Variants in ERBB4 observed in about 807,000 individuals in gnomAD.
The protein encoded by ERBB4 is receptor tyrosine-protein kinase erbB-4.
A neutral mutation model predicts 158.0 loss-of-function variants in ERBB4; 42 were observed. The ratio of observed to expected loss-of-function variants is 0.27; its 90% CI spans 0.21 to 0.34. The LOEUF is 0.34. Among genes scored for constraint, ERBB4 ranks in the 10% least tolerant of loss-of-function variants. The probability of loss-of-function intolerance (pLI) is 1.00; values close to 1 mark genes in which losing one functional copy is unlikely to be tolerated. For synonymous variants in ERBB4, 583 were observed against 558.7 expected (o/e 1.04, Z -0.61); for missense variants, 1,333 against 1,624.1 (o/e 0.82, Z 3.08).
At chr2:211,783,074 A>G (rs1575142073) in intron 4 of ERBB4, among the ~76,000 whole-genome samples, 1 of 152,134 alleles carries the variant, frequency 6.6e-6, no homozygotes, top group Non-Finnish European at 1.5e-5. Flanking sequence ...CTGCTTGAAG[A>G]GGTCCTTCAC....
rs915146009 is a variant in ERBB4 at position 211,909,122 on chromosome 2, T to C, written c.421+38308A>G. Among the ~76,000 whole-genome samples the C allele has an allele frequency of 2.6e-5, 4 of 151,724 alleles. 1 individual carries two copies. Among genetic ancestry groups the C allele is most frequent in the Admixed American group, 1.3e-4 (2 of 15,176 alleles). Reference sequence around the variant, plus strand: ...ATGTTCATATATGCTTAGTCTGTTATGATAGTATTCAATGTCTTTATAGTG... The same window carrying C: ...ATGTTCATATATGCTTAGTCTGTTACGATAGTATTCAATGTCTTTATAGTG... On this transcript the variant is annotated intron_variant, in intron 3 of 27. Coordinates refer to ENST00000342788, the MANE Select transcript of ERBB4 (RefSeq NM_005235.3).
At chr2:212,070,376 G>T (rs2125444150) in intron 2 of ERBB4, among the ~76,000 whole-genome samples, 1 of 152,094 alleles carries the variant, frequency 6.6e-6, no homozygotes, top group South Asian at 2.1e-4. Flanking sequence ...TGAAATTCAA[G>T]AAATACAGAA....
At chr2:211,493,685 T>C (rs989338884) in intron 20 of ERBB4, among the ~76,000 whole-genome samples, 13 of 152,164 alleles carry the variant, frequency 8.5e-5, no homozygotes, top group Non-Finnish European at 1.5e-5. Flanking sequence ...ATATATTTTT[T>C]CTTCATTACA....
Position 211,725,089 on chromosome 2 carries a change from TC to T in ERBB4, c.727del (p.Asp243ThrfsTer8). ...TCACAGACATACAAAGCAGTCTGTG[TC>T]CTTAGGTCCTGAGCAGCCTCCAGCA... ...ECAGGCSGPKDTDCFACMNFN... is the reference protein window; with the variant it reads ...ECAGGCSGPKXTDCFACMNFN... On this transcript the variant is annotated frameshift_variant, in exon 6 of 28. Transcript: ENST00000342788. LOFTEE classifies it high-confidence loss of function. 1 of 1,610,348 alleles carries T rather than the reference TC, an allele frequency of 6.2e-7. No individual in the cohort carries two copies. Among genetic ancestry groups the T allele is most frequent in the Non-Finnish European group, 8.5e-7 (1 of 1,176,682 alleles).
At chr2:212,085,586 T>G (rs972349630) in intron 2 of ERBB4, among the ~76,000 whole-genome samples, 1 of 151,948 alleles carries the variant, frequency 6.6e-6, no homozygotes, top group South Asian at 2.1e-4. Context: ...TATATATTTT[T>G]GACAGTTGCA....
intron 2 of ERBB4, among the ~76,000 whole-genome samples, chr2:212,065,821 G>A (rs2077927340): frequency 6.6e-6 from 1 of 151,996 alleles, no homozygotes; most frequent in Admixed American, 6.6e-5. Context: ...ACCCCATAGA[G>A]CTAGGATTAA....
At chr2:212,302,886 A>T (rs180830708) in intron 1 of ERBB4, among the ~76,000 whole-genome samples, 1 of 151,598 alleles carries the variant, frequency 6.6e-6, no homozygotes, top group Non-Finnish European at 1.5e-5. Flanking sequence ...GACATAAAAA[A>T]TTGTTTATCC....
chr2:211,931,987 A>G lies in ERBB4; in HGVS notation c.421+15443T>C, dbSNP rs561438596. ...TTTCAGATGAAAACTGAGGCACAGC[A>G]CATAAGTGATTGTGACTGTCCTTTC... On this transcript the variant is annotated intron_variant, in intron 3 of 27. Coordinates refer to ENST00000342788, the MANE Select transcript of ERBB4 (RefSeq NM_005235.3). 5.3e-5 allele frequency among the ~76,000 whole-genome samples: 8 copies of G among 152,204 alleles called. No individual in the cohort carries two copies. In the South Asian group the frequency reaches 1.7e-3, roughly 31 times the overall value.
At chr2:212,069,966 A>T (rs1292726509) in intron 2 of ERBB4, among the ~76,000 whole-genome samples, 2 of 110,914 alleles carry the variant, frequency 1.8e-5, no homozygotes, top group Admixed American at 2.2e-4. Context: ...AAAAAGAAAA[A>T]AGAAAAAAGC....
At chr2:211,905,647 CATATATATAT>C (rs56758130) in intron 3 of ERBB4, among the ~76,000 whole-genome samples, 13,591 of 71,460 alleles carry the variant, frequency 0.19, 1,150 homozygotes, top group South Asian at 0.42. Flanking sequence ...TAGGAAGGAT[CATATATATAT>C]ATATATATAT....
intron 1 of ERBB4, among the ~76,000 whole-genome samples, chr2:212,372,729 A>G (rs2106387868): frequency 6.6e-6 from 1 of 152,332 alleles, no homozygotes; most frequent in African/African-American, 2.4e-5. Flanking sequence ...AGCCTGGGCG[A>G]CAGAGCGAGA....
chr2:211,926,133 A>G (rs1329183123), intron 3 of ERBB4, among the ~76,000 whole-genome samples: 2 of 152,218 alleles, frequency 1.3e-5, no homozygotes, highest in Non-Finnish European at 2.9e-5. Context: ...CAGTCCTGAC[A>G]TGGCTGAGAG....
intron 25 of ERBB4, among the ~76,000 whole-genome samples, chr2:211,391,496 G>A (rs974015992): frequency 1.3e-5 from 2 of 152,134 alleles, no homozygotes; most frequent in South Asian, 2.1e-4. Flanking sequence ...AGAAAGAGGC[G>A]GGTTAGGAAC....
In ERBB4 at chr2:211,466,349, T is replaced by A. The variant is rs73985449; in HGVS notation, c.2488-35249A>T. 7.6e-3 allele frequency among the ~76,000 whole-genome samples: 969 copies of A among 127,928 alleles called. 4 individuals are homozygous for A. The highest frequency in any genetic ancestry group is 0.046 in the Middle Eastern group (12 of 260). 83.9% of individuals were successfully genotyped at this position (127,928 alleles called of 152,430 possible). ...TTTGTGTAGTTTTTTTTTTTTTTTT[T>A]AAAAAAAAAAAAAGGAACACATTCA... On this transcript the variant is annotated intron_variant, in intron 20 of 27. Coordinates refer to ENST00000342788, the MANE Select transcript of ERBB4 (RefSeq NM_005235.3).
At chr2:212,243,824 A>T (rs1221069485) in intron 1 of ERBB4, among the ~76,000 whole-genome samples, 1 of 152,162 alleles carries the variant, frequency 6.6e-6, no homozygotes, top group Non-Finnish European at 1.5e-5. Flanking sequence ...AAAAAGAAGA[A>T]GAAAAAATTA....
chr2:211,415,862 G>C (rs1013136789), intron 25 of ERBB4, among the ~76,000 whole-genome samples: 2 of 152,086 alleles, frequency 1.3e-5, no homozygotes, highest in Non-Finnish European at 2.9e-5. Flanking sequence ...TATTCTGGGA[G>C]AAAGCGTGTA....
At chr2:212,484,016 A>G (rs1287473246) in intron 1 of ERBB4, among the ~76,000 whole-genome samples, 1 of 152,138 alleles carries the variant, frequency 6.6e-6, no homozygotes, top group East Asian at 1.9e-4. Context: ...GATTACAGGC[A>G]TGAGCCACCG....
chr2:212,368,748 T>A (rs1420818680), intron 1 of ERBB4, among the ~76,000 whole-genome samples: 1 of 152,132 alleles, frequency 6.6e-6, no homozygotes, highest in Non-Finnish European at 1.5e-5. Flanking sequence ...TTTTTTCCCA[T>A]GCCCAGAGAA....
intron 1 of ERBB4, among the ~76,000 whole-genome samples, chr2:212,373,747 A>G (rs558294997): frequency 6.9e-6 from 1 of 145,394 alleles, no homozygotes; most frequent in East Asian, 2.0e-4. Flanking sequence ...CCATATATAT[A>G]TCCATGTATA....
Sources: allele counts gnomAD v4.1 joint callset (sites outside exome capture counted in the v4.1 genomes callset), GRCh38; gene constraint gnomAD v4.1.1; transcripts MANE v1.5; gene names NCBI Gene and HGNC (gene_info 2026-07-23, HGNC 2026-07-21).